TNRC6B: variants seen among roughly 807,000 people sequenced by gnomAD.
The protein encoded by TNRC6B is trinucleotide repeat-containing gene 6B protein.
TNRC6B carries 52 observed loss-of-function variants against 203.6 expected under a neutral mutation model. That is an observed-to-expected ratio of 0.26 (90% CI 0.20 to 0.32). The LOEUF (loss-of-function observed/expected upper bound fraction) is 0.32. Among genes scored for constraint, TNRC6B ranks in the 10% least tolerant of loss-of-function variants. The pLI is 1.00. For missense variants in TNRC6B, 1,923 were observed against 2,286.2 expected (o/e 0.84, Z 3.24); for synonymous variants, 838 against 845.7 (o/e 0.99, Z 0.16).
chr22:40,261,826 T>C lies in TNRC6B; in HGVS notation c.116-6T>C, dbSNP rs1291544825. 1.9e-6 allele frequency: 3 copies of C among 1,549,238 alleles called. No homozygotes were observed. Among genetic ancestry groups the C allele is most frequent in the Non-Finnish European group, 1.8e-6 (2 of 1,133,324 alleles). On this transcript the variant is annotated splice_region_variant and splice_polypyrimidine_tract_variant and intron_variant, in intron 3 of 22. Transcript: ENST00000454349. Reference sequence around the variant, plus strand: ...CAAAGACTGTTTCCCAACCCCTCTCTTTTAGTGCCCGAAGTGACGAAACCA... The same window carrying C: ...CAAAGACTGTTTCCCAACCCCTCTCCTTTAGTGCCCGAAGTGACGAAACCA...
chr22:40,248,045 A>G (rs953915831), intron 2 of TNRC6B, among the ~76,000 whole-genome samples: 3 of 151,978 alleles, frequency 2.0e-5, no homozygotes, highest in African/African-American at 7.3e-5. Flanking sequence ...ACTGCACCCC[A>G]GCCTGGGTGA....
At chr22:40,148,803 T>G (rs529019269) in intron 3 of TNRC6B, among the ~76,000 whole-genome samples, 2 of 152,162 alleles carry the variant, frequency 1.3e-5, no homozygotes, top group Non-Finnish European at 2.9e-5. Flanking sequence ...GGGGGGAACT[T>G]TGGACATAGA....
chr22:40,247,283 AAT>A (rs2070122116), intron 2 of TNRC6B, among the ~76,000 whole-genome samples: 1 of 152,166 alleles, frequency 6.6e-6, no homozygotes, highest in Non-Finnish European at 1.5e-5. Flanking sequence ...GGTGCTAGTT[AAT>A]TGAAGCTAAG....
intron 3 of TNRC6B, among the ~76,000 whole-genome samples, chr22:40,255,748 A>G (rs937208095): frequency 1.3e-5 from 2 of 152,240 alleles, no homozygotes; most frequent in Admixed American, 6.5e-5. Context: ...CACAAGGTCC[A>G]TGGAGGTTGC....
At chr22:40,296,396 A>T (rs975822150) in intron 12 of TNRC6B, among the ~76,000 whole-genome samples, 2 of 139,236 alleles carry the variant, frequency 1.4e-5, no homozygotes, top group African/African-American at 5.5e-5. Flanking sequence ...CAGTGGCGTG[A>T]TCTTGGCTCA....
chr22:40,109,008 C>G (rs945977967), intron 1 of TNRC6B, among the ~76,000 whole-genome samples: 1 of 151,200 alleles, frequency 6.6e-6, no homozygotes, highest in South Asian at 2.1e-4. Context: ...TGTTCAGCTC[C>G]TAATTATGAG....
intron 1 of TNRC6B, among the ~76,000 whole-genome samples, chr22:40,229,567 C>T (rs975268509): frequency 6.9e-5 from 9 of 131,272 alleles, no homozygotes; most frequent in Non-Finnish European, 1.4e-4. Flanking sequence ...TGTCCTTCAC[C>T]ACCCTCTGTC....
At chr22:40,278,279 G>T (rs1448256757) in intron 9 of TNRC6B, among the ~76,000 whole-genome samples, 1 of 152,162 alleles carries the variant, frequency 6.6e-6, no homozygotes, top group African/African-American at 2.4e-5. Flanking sequence ...CTGGGACGAG[G>T]CCGGGCATGG....
intron 1 of TNRC6B, among the ~76,000 whole-genome samples, chr22:40,181,921 A>G (rs1164967801): frequency 2.8e-5 from 4 of 145,274 alleles, no homozygotes; most frequent in East Asian, 2.0e-4. Context: ...ATTCCAGCCT[A>G]GGAAACAGCT....
At chr22:40,223,232 C>T (rs1206806343) in intron 1 of TNRC6B, among the ~76,000 whole-genome samples, 4 of 152,188 alleles carry the variant, frequency 2.6e-5, no homozygotes, top group Admixed American at 6.5e-5. Context: ...ACTCTGCCTC[C>T]TGTGTTCAAG....
chr22:40,242,845 C>T (rs1011095779), intron 1 of TNRC6B, among the ~76,000 whole-genome samples: 1 of 151,994 alleles, frequency 6.6e-6, no homozygotes, highest in Non-Finnish European at 1.5e-5. Context: ...TGCTTGGGCT[C>T]TCACTCAGAA....
intron 3 of TNRC6B, among the ~76,000 whole-genome samples, chr22:40,131,215 A>G (rs1320317597): frequency 4.6e-5 from 7 of 152,084 alleles, no homozygotes. Context: ...CACTGTGCCC[A>G]GCGCGGTATA....
intron 3 of TNRC6B, among the ~76,000 whole-genome samples, chr22:40,133,607 A>G (rs962414465): frequency 3.3e-5 from 5 of 152,104 alleles, no homozygotes; most frequent in Admixed American, 6.6e-5. Flanking sequence ...CATGGTTTTT[A>G]TTGGTTTGTT....
chr22:40,133,169 C>T (rs781664421), intron 3 of TNRC6B, among the ~76,000 whole-genome samples: 3 of 151,534 alleles, frequency 2.0e-5, no homozygotes, highest in Non-Finnish European at 4.4e-5. Flanking sequence ...ATGTAATGCT[C>T]ATTTTTCTTA....
At chr22:40,108,926 C>T (rs1010975073) in intron 1 of TNRC6B, among the ~76,000 whole-genome samples, 5 of 150,236 alleles carry the variant, frequency 3.3e-5, no homozygotes, top group African/African-American at 1.2e-4. Context: ...ATGTCTCCCT[C>T]CCCCCGCCAC....
Position 40,266,926 on chromosome 22 carries a change from C to G in TNRC6B, c.2696C>G (p.Pro899Arg). ...IDDGTSAWGD[P>R]NSYNYKNVNL... ...GATGGCACTTCAGCATGGGGAGACC[C>G]TAACAGTTATAACTACAAGAATGTG... The change falls in exon 5 of 23, where the codon CCT (proline) becomes CGT (arginine). Residue 899 changes from proline to arginine, a missense_variant. Pro to Arg is a moderately radical substitution (Grantham distance 103, BLOSUM62 -2). This residue lies in a region of TNRC6B where 599 missense variants were observed against 656.5 expected (regional missense o/e 0.91). Coordinates refer to ENST00000454349, the MANE Select transcript of TNRC6B (RefSeq NM_001162501.2). The G allele has an allele frequency of 6.2e-7, 1 of 1,613,952 alleles. No homozygotes were observed. The highest frequency in any genetic ancestry group is 8.5e-7 in the Non-Finnish European group (1 of 1,179,850).
intron 12 of TNRC6B, among the ~76,000 whole-genome samples, chr22:40,291,339 G>A (rs1240959267): frequency 6.6e-6 from 1 of 151,934 alleles, no homozygotes; most frequent in Non-Finnish European, 1.5e-5. Context: ...GAGCCATGGT[G>A]ACACCGCTGC....
At position 40,140,023 on chromosome 22, in the gene TNRC6B, C is replaced by CATAG. The variant is rs2068632273; in HGVS notation, c.45+14163_45+14166dup. ...ATTAAGTTTTGTATATAGTATGTGA[C>CATAG]ATAGAGGTCATGGTTCATACATTTC... On this transcript the variant is annotated intron_variant, in intron 3 of 23. Transcript: ENST00000301923. 2.6e-5 allele frequency among the ~76,000 whole-genome samples: 4 copies of CATAG among 152,332 alleles called. No individual in the cohort carries two copies. In the East Asian group the frequency reaches 7.7e-4, roughly 29 times the overall value.
At chr22:40,208,046 G>A (rs566363843) in intron 1 of TNRC6B, among the ~76,000 whole-genome samples, 2 of 151,354 alleles carry the variant, frequency 1.3e-5, no homozygotes, top group Admixed American at 1.3e-4. Context: ...CCCGGGAGGC[G>A]GAGCTTGCAG....
Sources: allele counts gnomAD v4.1 joint callset (sites outside exome capture counted in the v4.1 genomes callset), GRCh38; gene constraint gnomAD v4.1.1; regional missense constraint gnomAD v4.1.1; transcripts MANE v1.5; gene names NCBI Gene and HGNC (gene_info 2026-07-23, HGNC 2026-07-21).